MYT1L: variants seen among roughly 807,000 people sequenced by gnomAD.
MYT1L encodes the protein myelin transcription factor 1-like protein.
In MYT1L, 12 loss-of-function variants were observed where a neutral mutation model predicts 126.7. The observed-to-expected ratio is 0.09, with a 90% CI of 0.06 to 0.15. The LOEUF is 0.15. MYT1L is among the 10% of genes least tolerant of loss of function. The pLI, the probability that MYT1L is intolerant of heterozygous loss-of-function variation, is 1.00. For missense variants in MYT1L, 979 were observed against 1,585.2 expected, an observed-to-expected ratio of 0.62 and a Z score of 6.49; for synonymous variants, 541 against 604.2, an observed-to-expected ratio of 0.90 and a Z score of 1.53.
chr2:2,299,554 A>G (rs1430242489), intron 1 of MYT1L, among the ~76,000 whole-genome samples: 7 of 152,226 alleles, frequency 4.6e-5, no homozygotes, highest in Non-Finnish European at 8.8e-5. Context: ...TTCACTCAAG[A>G]TACGCAACTA....
intron 23 of MYT1L, 123 bp from the exon 24 acceptor site, chr2:1,792,587 G>T: frequency 9.1e-7 from 1 of 1,096,064 alleles, no homozygotes; most frequent in Non-Finnish European, 1.3e-6. Context: ...GAAAGGCTTC[G>T]GGCCGGGCGC....
Position 2,092,565 on chromosome 2 carries a change from C to T in MYT1L, c.-303-38442G>A, listed in dbSNP as rs577243633. ...AAATGGCATCAATAGACTTGATTGA[C>T]GCAGGGTTGTCACAAACCTGCAATT... On this transcript the variant is annotated intron_variant, in intron 3 of 24. Coordinates refer to ENST00000647738, the MANE Select transcript of MYT1L (RefSeq NM_001303052.2). Among the ~76,000 whole-genome samples the T allele has an allele frequency of 2.6e-4, 39 of 152,298 alleles. No individual in the cohort carries two copies. In the East Asian group the frequency reaches 3.1e-3, roughly 12 times the overall value.
intron 2 of MYT1L, among the ~76,000 whole-genome samples, chr2:2,217,113 C>A (rs1475693267): frequency 1.3e-5 from 2 of 152,140 alleles, no homozygotes; most frequent in African/African-American, 4.8e-5. Context: ...ATGAATAATA[C>A]AAATTCTTTC....
chr2:1,793,893 C>T lies in MYT1L; in HGVS notation c.3277-1429G>A, dbSNP rs894869914. ...CCTCCCACGACTCCTGGGTGGGCCT[C>T]GAAGGGCTGCGTGCCCGGTGCTTGT... On this transcript the variant is annotated intron_variant, in intron 23 of 24. Transcript: ENST00000647738. This position sits in a 1 kb window ranked among gnomAD's most constrained non-coding sequence, Gnocchi z 4.6. 5.9e-5 allele frequency among the ~76,000 whole-genome samples: 9 copies of T among 152,274 alleles called. No individual in the cohort carries two copies. Among genetic ancestry groups the T allele is most frequent in the East Asian group, 1.9e-4 (1 of 5,152 alleles).
intron 2 of MYT1L, among the ~76,000 whole-genome samples, chr2:2,200,601 T>C (rs1260112521): frequency 1.3e-5 from 2 of 152,228 alleles, no homozygotes; most frequent in Non-Finnish European, 2.9e-5. Flanking sequence ...AGATGACATA[T>C]TCACCGGTTC....
chr2:1,967,388 C>A (rs900134009), intron 8 of MYT1L, among the ~76,000 whole-genome samples: 1 of 152,184 alleles, frequency 6.6e-6, no homozygotes, highest in South Asian at 2.1e-4. Context: ...GAGTTCCCTG[C>A]ATTTGGGGAT....
In MYT1L at chr2:1,792,262, C is replaced by G; in HGVS notation, c.3420+59G>C. On this transcript the variant is annotated intron_variant, in intron 24 of 24. Transcript: ENST00000647738. ...AAAATAACGATAAAAACGGCATCTA[C>G]TTTAGGCTGTGCGCTGTGGAGGACT... 2.6e-6 allele frequency: 4 copies of G among 1,531,122 alleles called. No homozygotes were observed. In the South Asian group the frequency reaches 4.9e-5, roughly 19 times the overall value. 94.8% of individuals were successfully genotyped at this position (1,531,122 alleles called of 1,614,324 possible).
intron 2 of MYT1L, among the ~76,000 whole-genome samples, chr2:2,237,551 C>T (rs1000546596): frequency 6.6e-6 from 1 of 152,294 alleles, no homozygotes; most frequent in South Asian, 2.1e-4. Flanking sequence ...GCTTAAAATG[C>T]ATAATTGAAT....
At chr2:2,028,307 C>A (rs1384134161) in intron 4 of MYT1L, among the ~76,000 whole-genome samples, 1 of 152,186 alleles carries the variant, frequency 6.6e-6, no homozygotes, top group Non-Finnish European at 1.5e-5. Flanking sequence ...GAGCAGGAGG[C>A]TGTGGGATTG....
chr2:2,130,228 C>A (rs2082199303), intron 3 of MYT1L, among the ~76,000 whole-genome samples: 1 of 151,926 alleles, frequency 6.6e-6, no homozygotes, highest in Non-Finnish European at 1.5e-5. Context: ...TGAGGTAATG[C>A]CCAGCCTCCT....
intron 3 of MYT1L, among the ~76,000 whole-genome samples, chr2:2,097,815 A>G (rs923235405): frequency 3.9e-5 from 6 of 152,104 alleles, no homozygotes; most frequent in African/African-American, 1.4e-4. Context: ...TCCACATCTC[A>G]TGTTTAAATA....
At chr2:1,810,436 C>T (rs893248334) in intron 21 of MYT1L, among the ~76,000 whole-genome samples, 9 of 152,002 alleles carry the variant, frequency 5.9e-5, no homozygotes, top group South Asian at 2.1e-4. Flanking sequence ...CACCGCACCC[C>T]GCCTATAATG....
At chr2:1,812,986 G>C (rs1431204832) in intron 21 of MYT1L, among the ~76,000 whole-genome samples, 1 of 152,144 alleles carries the variant, frequency 6.6e-6, no homozygotes, top group Non-Finnish European at 1.5e-5. Flanking sequence ...TGTGACTGTA[G>C]GACAAGGGTG....
intron 3 of MYT1L, among the ~76,000 whole-genome samples, chr2:2,112,906 G>T (rs151207859): frequency 2.0e-5 from 3 of 152,312 alleles, no homozygotes; most frequent in Non-Finnish European, 2.9e-5. Flanking sequence ...ATCTGCAAAT[G>T]CCTGTAATGC....
intron 3 of MYT1L, among the ~76,000 whole-genome samples, chr2:2,088,570 C>A (rs974120973): frequency 6.6e-6 from 1 of 151,522 alleles, no homozygotes; most frequent in African/African-American, 2.4e-5. Context: ...CCTGTGGGAG[C>A]GGGGCCAGCT....
At chr2:2,032,128 G>C (rs1429956071) in intron 4 of MYT1L, among the ~76,000 whole-genome samples, 1 of 129,104 alleles carries the variant, frequency 7.7e-6, no homozygotes, top group Non-Finnish European at 1.6e-5. Flanking sequence ...CTGTGGCCCA[G>C]AGCAGATTCT....
At chr2:2,310,367 CTCTA>C (rs1195618393) in intron 1 of MYT1L, among the ~76,000 whole-genome samples, 3 of 152,198 alleles carry the variant, frequency 2.0e-5, no homozygotes, top group Admixed American at 2.0e-4. Flanking sequence ...CTTCAGTATA[CTCTA>C]TCTAAACTCC....
At chr2:2,142,242 G>T (rs769858604) in intron 3 of MYT1L, among the ~76,000 whole-genome samples, 7 of 152,188 alleles carry the variant, frequency 4.6e-5, no homozygotes, top group Admixed American at 3.3e-4. Flanking sequence ...TACTCTCAAG[G>T]ACCAGAGAAG....
intron 14 of MYT1L, among the ~76,000 whole-genome samples, chr2:1,897,621 C>T (rs978806254): frequency 1.3e-5 from 2 of 152,106 alleles, no homozygotes; most frequent in East Asian, 3.9e-4. Context: ...CACGACCATG[C>T]CCGGCTAATT....
Sources: allele counts gnomAD v4.1 joint callset (sites outside exome capture counted in the v4.1 genomes callset), GRCh38; gene constraint gnomAD v4.1.1; non-coding constraint Gnocchi (gnomAD v3.1); transcripts MANE v1.5; gene names NCBI Gene and HGNC (gene_info 2026-07-23, HGNC 2026-07-21).